The following PGM2 variants were observed in gnomAD, a reference collection of about 807,000 sequenced individuals.
PGM2 encodes phosphoglucomutase 2, also known as phosphopentomutase.
PGM2 carries 57 observed loss-of-function variants against 74.6 expected under a neutral mutation model. The observed-to-expected ratio is 0.76, with a 90% CI of 0.62 to 0.95. The LOEUF (loss-of-function observed/expected upper bound fraction) is 0.95. PGM2 is among the 40% of genes least tolerant of loss of function. PGM2 has a pLI of 0.00. For missense variants in PGM2, 706 were observed against 741.9 expected, an observed-to-expected ratio of 0.95 and a Z score of 0.56; for synonymous variants, 273 against 260.7, an observed-to-expected ratio of 1.05 and a Z score of -0.46.
chr4:37,859,405 G>A lies in PGM2; in HGVS notation c.1737-2105G>A, dbSNP rs542626926. On this transcript the variant is annotated intron_variant, in intron 13 of 13. Transcript: ENST00000381967. ...TGCAATTGATTGTAGGGGCCAGCTCGGCAAGTCTGAAATCTGCAGGGCAGG... is the reference window on the plus strand; with the variant it reads ...TGCAATTGATTGTAGGGGCCAGCTCAGCAAGTCTGAAATCTGCAGGGCAGG... 3.3e-5 allele frequency among the ~76,000 whole-genome samples: 5 copies of A among 152,224 alleles called. No individual in the cohort carries two copies. The South Asian group carries it at 1.0e-3, about 32-fold the overall frequency.
chr4:37,857,632 T>C (rs1485432611), intron 13 of PGM2, among the ~76,000 whole-genome samples: 1 of 152,190 alleles, frequency 6.6e-6, no homozygotes, highest in Non-Finnish European at 1.5e-5. Context: ...GTCATGCTTA[T>C]GGCTCTCAAA....
At chr4:37,838,172 C>T (rs747006181) in intron 4 of PGM2, among the ~76,000 whole-genome samples, 6 of 152,222 alleles carry the variant, frequency 3.9e-5, no homozygotes, top group Non-Finnish European at 5.9e-5. Flanking sequence ...TGAGCCACCA[C>T]GCCCGGCCTT....
chr4:37,836,627 TG>T (rs896534430), intron 3 of PGM2, among the ~76,000 whole-genome samples: 2 of 152,170 alleles, frequency 1.3e-5, no homozygotes, highest in Non-Finnish European at 2.9e-5. Context: ...AAGAAGTATT[TG>T]GGGAGAGTAA....
At chr4:37,843,499 C>G (rs1454082458) in intron 6 of PGM2, among the ~76,000 whole-genome samples, 2 of 152,030 alleles carry the variant, frequency 1.3e-5, no homozygotes, top group Non-Finnish European at 2.9e-5. Flanking sequence ...GTAACTTCTC[C>G]TGTTAATTTT....
rs187727968 is a variant in PGM2 at position 37,854,966 on chromosome 4, A to G, written c.1603-642A>G. Among the ~76,000 whole-genome samples the G allele has an allele frequency of 5.9e-5, 9 of 152,398 alleles. No individual in the cohort carries two copies. The South Asian group carries it at 1.9e-3, about 32-fold the overall frequency. On this transcript the variant is annotated intron_variant, in intron 12 of 13. Transcript: ENST00000381967. ...TGTACAATCCGATGTTTTAAAATGTATACATTGTGATAGCTAAAATCAAGT... is the reference window on the plus strand; with the variant it reads ...TGTACAATCCGATGTTTTAAAATGTGTACATTGTGATAGCTAAAATCAAGT...
chr4:37,827,386 C>T (rs1725321617), intron 1 of PGM2, among the ~76,000 whole-genome samples: 1 of 152,188 alleles, frequency 6.6e-6, no homozygotes, highest in South Asian at 2.1e-4. Context: ...GGACACAGCA[C>T]GGTTTTCTCT....
intron 13 of PGM2, 69 bp from the exon 14 acceptor site, chr4:37,861,440 TG>T: frequency 3.1e-6 from 3 of 967,930 alleles, no homozygotes; most frequent in Non-Finnish European, 5.0e-6. Context: ...ACTTGGTCAA[TG>T]GGGGGAGCAT....
At chr4:37,837,656 G>A in intron 4 of PGM2, 43 bp downstream of exon 4, 1 of 1,247,730 alleles carries the variant, frequency 8.0e-7, no homozygotes. Context: ...CACATGATCA[G>A]GGATGGGACT....
chr4:37,829,621 A>T (rs1309349132), intron 1 of PGM2, among the ~76,000 whole-genome samples: 1 of 152,136 alleles, frequency 6.6e-6, no homozygotes, highest in South Asian at 2.1e-4. Context: ...CCATTTTGCA[A>T]ATAGGGAAAC....
At chr4:37,858,529 T>A (rs1344090543) in intron 13 of PGM2, among the ~76,000 whole-genome samples, 1 of 150,594 alleles carries the variant, frequency 6.6e-6, no homozygotes, top group Non-Finnish European at 1.5e-5. Context: ...TTTTTTTTTT[T>A]AGTAGAGACA....
chr4:37,837,076 C>T (rs1280191686), intron 3 of PGM2, among the ~76,000 whole-genome samples: 2 of 152,126 alleles, frequency 1.3e-5, no homozygotes, highest in African/African-American at 2.4e-5. Context: ...GTAAGGTGTT[C>T]AGCAGCACCC....
intron 6 of PGM2, among the ~76,000 whole-genome samples, chr4:37,840,772 C>G (rs938158892): frequency 6.6e-6 from 1 of 152,012 alleles, no homozygotes. Context: ...GCTTTGAGGT[C>G]CACACAGACT....
intron 4 of PGM2, among the ~76,000 whole-genome samples, chr4:37,838,434 G>C (rs1234691531): frequency 1.3e-5 from 2 of 152,232 alleles, no homozygotes; most frequent in Non-Finnish European, 2.9e-5. Context: ...GAAGAAGACA[G>C]TAGGGACTAT....
chr4:37,842,303 C>T (rs1725751526), intron 6 of PGM2, among the ~76,000 whole-genome samples: 1 of 151,192 alleles, frequency 6.6e-6, no homozygotes. Context: ...ATTTATTAGT[C>T]TTATTTTATA....
At chr4:37,852,390 G>A (rs920600677) in intron 12 of PGM2, among the ~76,000 whole-genome samples, 24 of 151,808 alleles carry the variant, frequency 1.6e-4, no homozygotes, top group African/African-American at 4.1e-4. Flanking sequence ...TCCAATGGCC[G>A]CCCTCCTGGT....
chr4:37,832,620 A>C (rs1426356924), intron 2 of PGM2, among the ~76,000 whole-genome samples: 2 of 152,128 alleles, frequency 1.3e-5, no homozygotes, highest in Non-Finnish European at 2.9e-5. Context: ...TTTATGCTTT[A>C]TTTATGTTCT....
chr4:37,854,671 T>TA (rs35502897), intron 12 of PGM2, among the ~76,000 whole-genome samples: 2,688 of 142,182 alleles, frequency 0.019, 31 homozygotes, highest in African/African-American at 0.034. Context: ...AAGCTTTATT[T>TA]AAAAAAAAAA....
At position 37,830,237 on chromosome 4, in the gene PGM2, C is replaced by G. The variant is rs956044824; in HGVS notation, c.249+106C>G. ...TTATAGACATGTCTTACCAGCTTGG[C>G]TAGACACAGGAAGTCACCACCATTT... On this transcript the variant is annotated intron_variant, in intron 2 of 13. Transcript: ENST00000381967. 1.2e-4 allele frequency: 99 copies of G among 794,124 alleles called. No individual in the cohort carries two copies. In the African/African-American group the frequency reaches 1.6e-3, roughly 13 times the overall value. 49.2% of individuals were successfully genotyped at this position (794,124 alleles called of 1,614,324 possible).
At position 37,840,209 on chromosome 4, in the gene PGM2, T is replaced by A; in HGVS notation, c.669T>A (p.Ala223=). Residue 223 remains alanine (A), a synonymous_variant, in exon 6 of 14, where the codon GCT becomes GCA. Coordinates refer to ENST00000381967, the MANE Select transcript of PGM2 (RefSeq NM_018290.4). ...DSSPLLHNPS[A]SINNDYFEDL... The stretch of plus-strand genomic sequence containing the variant: ...GTCCACTTCTCCACAATCCGAGTGC[T>A]TCCATCAATAATGACTACTTTGAAG... 6.2e-7 allele frequency: 1 copy of A among 1,613,158 alleles called. No individual in the cohort carries two copies. Among genetic ancestry groups the A allele is most frequent in the Non-Finnish European group, 8.5e-7 (1 of 1,179,092 alleles).
Sources: gnomAD v4.1 joint callset for allele counts (sites outside exome capture counted in the v4.1 genomes callset) on GRCh38, gnomAD v4.1.1 for gene constraint, MANE v1.5 for transcripts, NCBI Gene and HGNC (gene_info 2026-07-23, HGNC 2026-07-21) for gene names.